Variants in SLC25A21 observed in about 807,000 individuals in gnomAD.
SLC25A21 encodes the protein solute carrier family 25 member 21.
In SLC25A21, 47 loss-of-function variants were observed where a neutral mutation model predicts 43.8. The observed-to-expected ratio is 1.07, with a 90% CI of 0.85 to 1.37. The LOEUF (loss-of-function observed/expected upper bound fraction) is 1.37. SLC25A21 is among the 40% of genes most tolerant of loss of function. The pLI is 0.00. For synonymous variants in SLC25A21, 131 were observed against 121.3 expected (o/e 1.08, Z -0.52); for missense variants, 352 against 350.2 (o/e 1.00, Z -0.04).
At chr14:36,999,565 G>A (rs1960442938) in intron 1 of SLC25A21, among the ~76,000 whole-genome samples, 2 of 152,174 alleles carry the variant, frequency 1.3e-5, no homozygotes, top group Non-Finnish European at 2.9e-5. Flanking sequence ...AAATGTACAA[G>A]TGGGCAGGGG....
At chr14:36,980,706 C>G (rs1960000258) in intron 1 of SLC25A21, among the ~76,000 whole-genome samples, 2 of 152,226 alleles carry the variant, frequency 1.3e-5, no homozygotes, top group African/African-American at 2.4e-5. Flanking sequence ...TGGAGAGGAG[C>G]TGCATTCCTT....
chr14:37,045,665 C>G (rs1566839669), intron 1 of SLC25A21, among the ~76,000 whole-genome samples: 1 of 152,192 alleles, frequency 6.6e-6, no homozygotes. Context: ...CCTGGAAGGT[C>G]AGGCTCTGAA....
chr14:36,833,676 A>G (rs698293), intron 2 of SLC25A21, among the ~76,000 whole-genome samples: 131,001 of 152,212 alleles, frequency 0.86, 57,419 homozygotes, highest in Non-Finnish European at 0.95. Context: ...CTCCTAGTAC[A>G]GGGACAGGTT....
chr14:36,801,752 C>T (rs1193404416), intron 3 of SLC25A21, among the ~76,000 whole-genome samples: 1 of 152,086 alleles, frequency 6.6e-6, no homozygotes, highest in Admixed American at 6.6e-5. Context: ...TTTGCTTTTA[C>T]TTATTTCATT....
chr14:36,875,863 G>T (rs1202387260), intron 1 of SLC25A21, among the ~76,000 whole-genome samples: 1 of 152,138 alleles, frequency 6.6e-6, no homozygotes, highest in Non-Finnish European at 1.5e-5. Context: ...GTAACAATAG[G>T]AGTAGTACAG....
At chr14:36,739,699 A>G (rs952801312) in intron 3 of SLC25A21, among the ~76,000 whole-genome samples, 2 of 146,174 alleles carry the variant, frequency 1.4e-5, no homozygotes, top group African/African-American at 2.6e-5. Flanking sequence ...AAAAAAAAAA[A>G]GAGGCACACC....
At chr14:36,941,163 C>G (rs543590211) in intron 1 of SLC25A21, among the ~76,000 whole-genome samples, 160 of 148,792 alleles carry the variant, frequency 1.1e-3, no homozygotes, top group Non-Finnish European at 1.5e-3. Flanking sequence ...ACACAGAGGG[C>G]CTTCCTACAA....
At position 36,679,566 on chromosome 14, in the gene SLC25A21, C is replaced by T; in HGVS notation, c.*1092G>A. 2.0e-6 allele frequency: 2 copies of T among 985,290 alleles called. No homozygotes were observed. Among genetic ancestry groups the T allele is most frequent in the Non-Finnish European group, 2.4e-6 (2 of 829,856 alleles). The allele number at this position is 985,290 out of a possible 1,614,324, so 61.0% of individuals were successfully genotyped here. On this transcript the variant is annotated 3_prime_UTR_variant, in exon 10 of 10. Coordinates refer to ENST00000331299, the MANE Select transcript of SLC25A21 (RefSeq NM_030631.4). ...GACCAAGGAGATATTTTTGTTGATA[C>T]ATGTTAGTATAGTAATCCTTAGAAA...
intron 1 of SLC25A21, among the ~76,000 whole-genome samples, chr14:37,055,388 G>A (rs1270192459): frequency 6.6e-6 from 1 of 152,188 alleles, no homozygotes; most frequent in Non-Finnish European, 1.5e-5. Flanking sequence ...TAGATCATAT[G>A]TGGCCAGATA....
intron 1 of SLC25A21, among the ~76,000 whole-genome samples, chr14:37,012,988 G>T (rs1262255534): frequency 6.6e-6 from 1 of 152,206 alleles, no homozygotes; most frequent in Non-Finnish European, 1.5e-5. Flanking sequence ...AGACTTCTTT[G>T]GGGGAGAGTG....
intron 2 of SLC25A21, among the ~76,000 whole-genome samples, chr14:36,825,422 C>T (rs1888793613): frequency 6.6e-6 from 1 of 152,196 alleles, no homozygotes; most frequent in Non-Finnish European, 1.5e-5. Context: ...ATACTGGCAA[C>T]AGAAGAGATG....
chr14:36,869,230 G>T (rs936505455), intron 2 of SLC25A21, among the ~76,000 whole-genome samples: 1 of 152,110 alleles, frequency 6.6e-6, no homozygotes, highest in Non-Finnish European at 1.5e-5. Flanking sequence ...CTTACCTCTG[G>T]AATTCCTTGC....
chr14:37,104,794 C>A (rs1421086167), intron 1 of SLC25A21, among the ~76,000 whole-genome samples: 1 of 152,176 alleles, frequency 6.6e-6, no homozygotes, highest in Admixed American at 6.5e-5. Context: ...GCAAAGCTAA[C>A]AAGAGCTGTG....
At chr14:37,063,873 C>T (rs1029474815) in intron 1 of SLC25A21, among the ~76,000 whole-genome samples, 14 of 152,148 alleles carry the variant, frequency 9.2e-5, no homozygotes, top group African/African-American at 2.9e-4. Flanking sequence ...GGCAGTAAAC[C>T]GAAATGCAAC....
intron 1 of SLC25A21, among the ~76,000 whole-genome samples, chr14:36,990,404 C>A (rs1960236603): frequency 6.6e-6 from 1 of 152,084 alleles, no homozygotes; most frequent in Admixed American, 6.6e-5. Context: ...TAAGGTTTTA[C>A]ACATTACATG....
At chr14:36,725,717 T>C (rs1884577777) in intron 5 of SLC25A21, 40 bp from the exon 6 acceptor site, 3 of 1,373,878 alleles carry the variant, frequency 2.2e-6, no homozygotes, top group Non-Finnish European at 3.0e-6. Context: ...AAACAAGTTA[T>C]CATGTGTATG....
chr14:37,050,820 G>A (rs1379757202), intron 1 of SLC25A21, among the ~76,000 whole-genome samples: 2 of 152,198 alleles, frequency 1.3e-5, no homozygotes, highest in Admixed American at 1.3e-4. Flanking sequence ...AGTTTGAATG[G>A]CCCACTCCCT....
intron 1 of SLC25A21, among the ~76,000 whole-genome samples, chr14:37,048,650 C>T (rs1961640094): frequency 6.6e-6 from 1 of 152,002 alleles, no homozygotes. Context: ...GCATAAAGGT[C>T]CAAAACTTTA....
chr14:36,874,783 C>T (rs532395358), intron 2 of SLC25A21, among the ~76,000 whole-genome samples, 173 bp downstream of exon 2: 5 of 152,186 alleles, frequency 3.3e-5, no homozygotes, highest in Non-Finnish European at 7.3e-5. Context: ...CCCAGAAATG[C>T]TTTTCACTGT....
Sources: allele counts gnomAD v4.1 joint callset (sites outside exome capture counted in the v4.1 genomes callset), GRCh38; gene constraint gnomAD v4.1.1; transcripts MANE v1.5; gene names NCBI Gene and HGNC (gene_info 2026-07-23, HGNC 2026-07-21).